DUSP13B: variants seen among roughly 807,000 people sequenced by gnomAD.
DUSP13B encodes dual specificity phosphatase 13B.
the DUSP13B span, among the ~76,000 whole-genome samples, chr10:75,104,485 A>G: frequency 6.6e-6 from 1 of 152,126 alleles, no homozygotes; most frequent in African/African-American, 2.4e-5. Context: ...GATGGGAAAG[A>G]TGCTGAGGTC....
chr10:75,098,760 TCAA>T, the DUSP13B span, among the ~76,000 whole-genome samples: 21 of 152,246 alleles, frequency 1.4e-4, no homozygotes, highest in African/African-American at 3.4e-4. Flanking sequence ...AGAGTCCATC[TCAA>T]CAACAACAAA....
chr10:75,097,623 A>T, the DUSP13B span: 1 of 1,331,044 alleles, frequency 7.5e-7, no homozygotes, highest in East Asian at 2.6e-5. Flanking sequence ...CCTCTGCCCT[A>T]GAGGGCTCTG....
the DUSP13B span, among the ~76,000 whole-genome samples, chr10:75,103,128 T>TC: frequency 7.2e-5 from 11 of 152,300 alleles, no homozygotes; most frequent in African/African-American, 2.6e-4. Context: ...CCCTTGGCCT[T>TC]CAAGGGTATT....
At chr10:75,095,439 G>T in the DUSP13B span, 1 of 748,198 alleles carries the variant, frequency 1.3e-6, no homozygotes, top group South Asian at 1.7e-5. Flanking sequence ...AATGGTAGTA[G>T]CTATTTTCCC....
chr10:75,107,346 G>GAA, the DUSP13B span, among the ~76,000 whole-genome samples: 2 of 116,226 alleles, frequency 1.7e-5, no homozygotes, highest in Non-Finnish European at 3.6e-5. Flanking sequence ...CTCTGTCTCA[G>GAA]AAAAAAAAAA....
the DUSP13B span, chr10:75,099,309 T>G: frequency 2.4e-6 from 3 of 1,232,220 alleles, no homozygotes; most frequent in Non-Finnish European, 3.0e-6. Flanking sequence ...CCCAGGAGGC[T>G]GCCGGCTTGG....
chr10:75,094,683 C>T, the DUSP13B span: 142 of 1,613,718 alleles, frequency 8.8e-5, 1 homozygote, highest in Non-Finnish European at 1.1e-4. Context: ...AGATCAGAAC[C>T]GCCCCGTCTC....
the DUSP13B span, chr10:75,095,784 CG>C: frequency 1.2e-6 from 2 of 1,613,986 alleles, no homozygotes; most frequent in Admixed American, 3.3e-5. Flanking sequence ...GCTCTTGTCC[CG>C]GGCTGCGTAC....
At chr10:75,101,687 C>T in the DUSP13B span, among the ~76,000 whole-genome samples, 22 of 152,154 alleles carry the variant, frequency 1.4e-4, no homozygotes, top group African/African-American at 5.1e-4. Context: ...AGTCAGGATT[C>T]AAACCCAGGT....
At chr10:75,099,373 G>A in the DUSP13B span, 1 of 1,232,266 alleles carries the variant, frequency 8.1e-7, no homozygotes, top group South Asian at 4.1e-5. Flanking sequence ...AGACCAAGCT[G>A]TCCTCCTCAT....
the DUSP13B span, chr10:75,102,022 C>T: frequency 8.0e-7 from 1 of 1,252,594 alleles, no homozygotes; most frequent in Non-Finnish European, 1.1e-6. Context: ...TCCAGCCTCC[C>T]CTGCCACTCC....
At chr10:75,098,889 G>T in the DUSP13B span, 4 of 989,360 alleles carry the variant, frequency 4.0e-6, no homozygotes, top group Non-Finnish European at 5.2e-6. Context: ...TAGCAAGGCT[G>T]GGGTTTTAGT....
the DUSP13B span, chr10:75,105,553 C>T: frequency 2.7e-6 from 3 of 1,120,514 alleles, no homozygotes; most frequent in Non-Finnish European, 3.8e-6. Context: ...CAGCCACACA[C>T]AGCCCTGCCA....
chr10:75,101,404 T>C, the DUSP13B span, among the ~76,000 whole-genome samples: 2 of 152,312 alleles, frequency 1.3e-5, no homozygotes, highest in African/African-American at 4.8e-5. Context: ...ATATCCTATG[T>C]GGAGGGTAAC....
chr10:75,100,388 C>T, the DUSP13B span, among the ~76,000 whole-genome samples: 1 of 152,172 alleles, frequency 6.6e-6, no homozygotes, highest in Non-Finnish European at 1.5e-5. Context: ...TGGGACCCAG[C>T]CCATCCCATC....
At chr10:75,099,619 G>A in the DUSP13B span, 2 of 1,116,030 alleles carry the variant, frequency 1.8e-6, no homozygotes, top group Admixed American at 4.3e-5. Flanking sequence ...ACTGCAGTGG[G>A]CCCTCCGGTC....
the DUSP13B span, chr10:75,099,142 G>A: frequency 2.2e-5 from 27 of 1,232,114 alleles, no homozygotes; most frequent in South Asian, 4.1e-5. Flanking sequence ...GATTTTCAGC[G>A]GCACCAGAAT....
chr10:75,100,037 C>T, the DUSP13B span, among the ~76,000 whole-genome samples: 2 of 152,138 alleles, frequency 1.3e-5, no homozygotes, highest in African/African-American at 4.8e-5. Flanking sequence ...GGCTGCACCA[C>T]CCCAGGCAGG....
the DUSP13B span, chr10:75,103,759 G>T: frequency 1.5e-6 from 1 of 665,002 alleles, no homozygotes; most frequent in Non-Finnish European, 2.2e-6. Flanking sequence ...AGCTGCTGGA[G>T]ACAGCTGTGG....
Sources: gnomAD v4.1 joint callset for allele counts (sites outside exome capture counted in the v4.1 genomes callset) on GRCh38, gnomAD v4.1.1 for gene constraint, MANE v1.5 for transcripts, NCBI Gene and HGNC (gene_info 2026-07-23, HGNC 2026-07-21) for gene names.